The following TTLL6 variants were observed in gnomAD, a reference collection of about 807,000 sequenced individuals.
TTLL6 encodes the protein tubulin polyglutamylase TTLL6.
Under a neutral mutation model 96.4 loss-of-function variants are expected in TTLL6, and 75 were observed. The ratio of observed to expected loss-of-function variants is 0.78; its 90% CI spans 0.65 to 0.94. TTLL6 has a LOEUF of 0.94. TTLL6 is among the 40% of genes least tolerant of loss of function. The pLI, the probability that TTLL6 is intolerant of heterozygous loss-of-function variation, is 0.00. For missense variants in TTLL6, 1,030 were observed against 1,093.0 expected (o/e 0.94, Z 0.81); for synonymous variants, 411 against 419.4 (o/e 0.98, Z 0.24).
At position 48,799,590 on chromosome 17, in the gene TTLL6, C is replaced by T; in HGVS notation, c.768+14G>A. The T allele has an allele frequency of 6.5e-7, 1 of 1,550,300 alleles. No individual in the cohort carries two copies. Among genetic ancestry groups the T allele is most frequent in the Non-Finnish European group, 8.7e-7 (1 of 1,145,988 alleles). ...GCTGTGGGTGATAAATAAATAATCA[C>T]AATGAGGAAGTACCTTTGAAATATA... On this transcript the variant is annotated intron_variant, in intron 6 of 15. Coordinates refer to ENST00000393382, the MANE Select transcript of TTLL6 (RefSeq NM_001130918.3).
chr17:48,782,825 C>T (rs904065191), intron 13 of TTLL6, among the ~76,000 whole-genome samples: 17 of 152,052 alleles, frequency 1.1e-4, no homozygotes, highest in South Asian at 6.2e-4. Flanking sequence ...GTGATTCTTC[C>T]GCCTCAGCCT....
At chr17:48,770,157 AT>A (rs1005958211) in intron 13 of TTLL6, 60 bp from the exon 14 acceptor site, 1,298 of 1,423,476 alleles carry the variant, frequency 9.1e-4, no homozygotes, top group South Asian at 1.4e-3. Context: ...TTCCTATGCT[AT>A]TTTTTTTTTA....
chr17:48,763,578 C>T (rs1358198717), intron 15 of TTLL6, among the ~76,000 whole-genome samples: 1 of 152,182 alleles, frequency 6.6e-6, no homozygotes, highest in Non-Finnish European at 1.5e-5. Context: ...AGGTGGATCA[C>T]TTGAGGTCAA....
At chr17:48,779,537 T>A (rs1167358168) in intron 13 of TTLL6, among the ~76,000 whole-genome samples, 1 of 152,134 alleles carries the variant, frequency 6.6e-6, no homozygotes, top group Non-Finnish European at 1.5e-5. Flanking sequence ...GATCCAGTGA[T>A]CCTTCTCCTA....
chr17:48,778,448 A>AAT (rs2038923873), intron 13 of TTLL6, among the ~76,000 whole-genome samples: 1 of 152,082 alleles, frequency 6.6e-6, no homozygotes, highest in East Asian at 1.9e-4. Flanking sequence ...AAATTTCCAG[A>AAT]ATATATAAAT....
intron 15 of TTLL6, among the ~76,000 whole-genome samples, chr17:48,766,884 G>C (rs1229205700): frequency 6.6e-6 from 1 of 152,062 alleles, no homozygotes; most frequent in Non-Finnish European, 1.5e-5. Flanking sequence ...CCCAGGCCTG[G>C]GTCTACATGT....
chr17:48,771,128 G>C (rs2038735704), intron 13 of TTLL6, among the ~76,000 whole-genome samples: 1 of 152,182 alleles, frequency 6.6e-6, no homozygotes, highest in Admixed American at 6.5e-5. Flanking sequence ...GAGAAACAGA[G>C]TGTAAATTGT....
intron 8 of TTLL6, among the ~76,000 whole-genome samples, chr17:48,793,909 G>A (rs571115504): frequency 1.3e-5 from 2 of 152,162 alleles, no homozygotes; most frequent in Non-Finnish European, 2.9e-5. Flanking sequence ...GTAGAGATGG[G>A]GAAGTTGGGC....
chr17:48,764,168 G>C (rs992245080), intron 15 of TTLL6, among the ~76,000 whole-genome samples: 5 of 152,052 alleles, frequency 3.3e-5, no homozygotes, highest in Non-Finnish European at 7.4e-5. Flanking sequence ...AAAATAGGTT[G>C]TTTATCCCCT....
At chr17:48,778,794 G>T (rs941343957) in intron 13 of TTLL6, among the ~76,000 whole-genome samples, 1 of 152,012 alleles carries the variant, frequency 6.6e-6, no homozygotes, top group Non-Finnish European at 1.5e-5. Context: ...GCTGGGCGTG[G>T]TGGTGCTCAT....
At chr17:48,777,975 T>C (rs1567718899) in intron 13 of TTLL6, among the ~76,000 whole-genome samples, 2 of 151,060 alleles carry the variant, frequency 1.3e-5, no homozygotes, top group Non-Finnish European at 2.9e-5. Context: ...TTAGATAGGA[T>C]ATAGAAAGCA....
At chr17:48,768,065 TC>T (rs2038650831) in intron 15 of TTLL6, among the ~76,000 whole-genome samples, 1 of 152,182 alleles carries the variant, frequency 6.6e-6, no homozygotes, top group African/African-American at 2.4e-5. Context: ...GCAGATCAGT[TC>T]TACCAGAAAT....
At position 48,785,157 on chromosome 17, in the gene TTLL6, G is replaced by C; in HGVS notation, c.1806C>G (p.Leu602=). 3 of 1,614,170 alleles carry C rather than the reference G, an allele frequency of 1.9e-6. No individual in the cohort carries two copies. Among genetic ancestry groups the C allele is most frequent in the Non-Finnish European group, 2.5e-6 (3 of 1,180,044 alleles). ...LTLVSYTPDL[L]LSVRGERKNE... is the part of the protein sequence containing the mutation. The stretch of plus-strand genomic sequence containing the variant: ...TTTTCCTTTCACCTCTGACACTCAA[G>C]AGCAAGTCAGGTGTGTAGGATACTA... Residue 602 remains leucine, a synonymous_variant, in exon 13 of 16, where the codon CTC becomes CTG. Coordinates refer to ENST00000393382, the MANE Select transcript of TTLL6 (RefSeq NM_001130918.3).
chr17:48,770,141 G>T, intron 13 of TTLL6, 44 bp from the exon 14 acceptor site: 3 of 1,540,744 alleles, frequency 1.9e-6, no homozygotes, highest in South Asian at 1.3e-5. Context: ...GAAAGCAAAG[G>T]GTTCCTTCCT....
At chr17:48,781,812 C>A (rs1006151452) in intron 13 of TTLL6, among the ~76,000 whole-genome samples, 1 of 152,014 alleles carries the variant, frequency 6.6e-6, no homozygotes, top group Non-Finnish European at 1.5e-5. Flanking sequence ...AAGGGCAGAA[C>A]CCTCATGAAT....
rs528586299 is a variant in TTLL6, at chr17:48,787,888, C to G, written c.1512G>C (p.Lys504Asn). 5.6e-6 allele frequency: 9 copies of G among 1,614,218 alleles called. No homozygotes were observed. The South Asian group carries it at 9.9e-5, about 18-fold the overall frequency. ...TGTTGTCCTGGAAAAACTTCTCATA[C>G]TTCTCCGAATTCAGACTGGGATAAA... ...RLIYPSLNSE[K>N]YEKFFQDNNS... is the part of the protein sequence containing the mutation. The change falls in exon 11 of 16, where the codon AAG becomes AAC. Residue 504 changes from lysine to asparagine, a missense_variant. Physicochemically the swap from Lys to Asn is moderately conservative, Grantham distance 94 (BLOSUM62 0). Coordinates refer to ENST00000393382, the MANE Select transcript of TTLL6 (RefSeq NM_001130918.3).
At chr17:48,790,428 GAAGGGGTACTTCCCA>G (rs2039196611) in intron 9 of TTLL6, among the ~76,000 whole-genome samples, 2 of 152,194 alleles carry the variant, frequency 1.3e-5, no homozygotes, top group Non-Finnish European at 2.9e-5. Flanking sequence ...GAGCAGGATG[GAAGGGGTACTTCCCA>G]AAGGGACAGG....
chr17:48,788,548 TCGG>T (rs1282076616), intron 10 of TTLL6, among the ~76,000 whole-genome samples: 1 of 152,100 alleles, frequency 6.6e-6, no homozygotes, highest in African/African-American at 2.4e-5. Flanking sequence ...GGAGACTGAT[TCGG>T]AGAAGGCCCT....
At chr17:48,794,184 T>C (rs745431053) in intron 8 of TTLL6, 8 of 1,613,888 alleles carry the variant, frequency 5.0e-6, no homozygotes, top group Admixed American at 3.3e-5. Flanking sequence ...AGAACAACAC[T>C]TGAAGCCTTG....
Sources: allele counts gnomAD v4.1 joint callset (sites outside exome capture counted in the v4.1 genomes callset), GRCh38; gene constraint gnomAD v4.1.1; transcripts MANE v1.5; gene names NCBI Gene and HGNC (gene_info 2026-07-23, HGNC 2026-07-21).